The following GRID2 variants were observed in gnomAD, a reference collection of about 807,000 sequenced individuals.
GRID2 encodes glutamate ionotropic receptor delta type subunit 2.
In GRID2, 33 loss-of-function variants were observed where a neutral mutation model predicts 114.8. That is an observed-to-expected ratio of 0.29 (90% confidence interval 0.22 to 0.38). The LOEUF (loss-of-function observed/expected upper bound fraction) is 0.38, where lower values mean the gene tolerates loss of function less well. Ranked by LOEUF, GRID2 falls within the 10% of genes least tolerant of loss-of-function variation. The pLI is 1.00. For synonymous variants in GRID2, 505 were observed against 449.9 expected (o/e 1.12, Z -1.55); for missense variants, 1,184 against 1,257.7 (o/e 0.94, Z 0.89).
intron 2 of GRID2, among the ~76,000 whole-genome samples, chr4:92,812,791 C>G (rs1187842946): frequency 6.6e-6 from 1 of 152,190 alleles, no homozygotes; most frequent in South Asian, 2.1e-4. Flanking sequence ...CCCATTCAGT[C>G]CAATAACTCG....
At chr4:92,316,907 A>G (rs945270960) in intron 1 of GRID2, among the ~76,000 whole-genome samples, 7 of 152,172 alleles carry the variant, frequency 4.6e-5, no homozygotes, top group African/African-American at 7.2e-5. Context: ...AAGTAAATAC[A>G]ATCATGCCAA....
chr4:92,341,111 A>G (rs910331809), intron 1 of GRID2, among the ~76,000 whole-genome samples: 5 of 152,232 alleles, frequency 3.3e-5, no homozygotes, highest in Admixed American at 2.6e-4. Flanking sequence ...TATATGGTAT[A>G]CAGTAGATAG....
At chr4:92,861,789 C>G (rs1744551602) in intron 2 of GRID2, among the ~76,000 whole-genome samples, 1 of 151,944 alleles carries the variant, frequency 6.6e-6, no homozygotes. Flanking sequence ...AATCCTTGTT[C>G]CTATTGTTCA....
intron 13 of GRID2, among the ~76,000 whole-genome samples, chr4:93,572,438 G>T (rs1012145822): frequency 6.6e-6 from 1 of 151,778 alleles, no homozygotes; most frequent in Non-Finnish European, 1.5e-5. Flanking sequence ...TCTCTTTTTA[G>T]ACACATATAT....
chr4:93,366,425 C>T lies in GRID2; in HGVS notation c.1246-29182C>T, dbSNP rs182739928. 2.1e-4 allele frequency among the ~76,000 whole-genome samples: 32 copies of T among 152,122 alleles called. 1 individual carries two copies. Among genetic ancestry groups the T allele is most frequent in the East Asian group, 1.4e-3 (7 of 5,156 alleles). ...AGGCTTATTAGGAAGAGGAAATTCCCGCCTAATAAATTTTGGTCACACTGG... is the reference window on the plus strand; with the variant it reads ...AGGCTTATTAGGAAGAGGAAATTCCTGCCTAATAAATTTTGGTCACACTGG... On this transcript the variant is annotated intron_variant, in intron 8 of 15. Transcript: ENST00000282020.
chr4:92,664,298 T>G (rs558556503), intron 2 of GRID2, among the ~76,000 whole-genome samples: 2 of 151,310 alleles, frequency 1.3e-5, no homozygotes, highest in African/African-American at 4.8e-5. Context: ...TTCTTTTGAT[T>G]CTATTTTCTA....
rs1182268164 is a variant in GRID2 at position 93,332,293 on chromosome 4, T to TGAGAGAGAGAGAGA, written c.1246-63313_1246-63312insAGAGAGAGAGAGAG. ...GTGTGTGTGTGTGTGTGTGTGTGTGTGTGTGTGAGAGAGAGAGAGAGAGAG... is the reference window on the plus strand; with the variant it reads ...GTGTGTGTGTGTGTGTGTGTGTGTGTGAGAGAGAGAGAGAGTGTGTGAGAGAGAGAGAGAGAGAG... On this transcript the variant is annotated intron_variant, in intron 8 of 15. Coordinates refer to ENST00000282020, the MANE Select transcript of GRID2 (RefSeq NM_001510.4). Among the ~76,000 whole-genome samples, 372 of 114,680 alleles carry TGAGAGAGAGAGAGA rather than the reference T, an allele frequency of 3.2e-3. 3 individuals carry two copies. The highest frequency in any genetic ancestry group is 0.013 in the African/African-American group (288 of 21,502). The allele number at this position is 114,680 out of a possible 152,430, so 75.2% of individuals were successfully genotyped here.
intron 14 of GRID2, among the ~76,000 whole-genome samples, chr4:93,691,326 C>T (rs888778290): frequency 6.6e-6 from 1 of 151,916 alleles, no homozygotes; most frequent in African/African-American, 2.4e-5. Flanking sequence ...TTATTCAAAG[C>T]GTTTTATGGA....
At position 92,943,241 on chromosome 4, in the gene GRID2, C is replaced by A. The variant is rs564354643; in HGVS notation, c.245-141754C>A. On this transcript the variant is annotated intron_variant, in intron 2 of 15. Transcript: ENST00000282020. ...ATAGATTTGGTCTTTTCACATAGGC[C>A]CATATTTCTTGGGGGCTTTGTTCTT... is the stretch of plus-strand genomic sequence containing the variant. Among the ~76,000 whole-genome samples the A allele has an allele frequency of 2.6e-5, 4 of 152,228 alleles. No homozygotes were observed. In the East Asian group the frequency reaches 7.7e-4, roughly 29 times the overall value.
At chr4:92,750,268 C>T (rs533791683) in intron 2 of GRID2, among the ~76,000 whole-genome samples, 2 of 152,312 alleles carry the variant, frequency 1.3e-5, no homozygotes, top group South Asian at 4.1e-4. Context: ...GTATCTGTTA[C>T]TATCTCATTC....
intron 2 of GRID2, among the ~76,000 whole-genome samples, chr4:92,973,633 A>C (rs924378996): frequency 4.6e-5 from 7 of 152,166 alleles, no homozygotes; most frequent in African/African-American, 1.7e-4. Context: ...GAAAACTAAA[A>C]TGGAAGTAGC....
intron 14 of GRID2, among the ~76,000 whole-genome samples, chr4:93,762,852 C>A (rs1489603589): frequency 6.6e-6 from 1 of 152,058 alleles, no homozygotes; most frequent in African/African-American, 2.4e-5. Flanking sequence ...CTGCCTTGGG[C>A]CCCTCCACAG....
chr4:93,570,448 G>T (rs1488389996), intron 13 of GRID2, among the ~76,000 whole-genome samples: 1 of 152,182 alleles, frequency 6.6e-6, no homozygotes, highest in Admixed American at 6.6e-5. Context: ...GAAAAAAGTG[G>T]TGGAGACAAT....
intron 2 of GRID2, among the ~76,000 whole-genome samples, chr4:92,637,952 A>G (rs1364956914): frequency 1.3e-5 from 2 of 151,960 alleles, no homozygotes; most frequent in Non-Finnish European, 2.9e-5. Context: ...TGTGAATGCA[A>G]ATTTGCAATT....
chr4:92,884,911 TA>T, intron 2 of GRID2: 1 of 366,460 alleles, frequency 2.7e-6, no homozygotes, highest in South Asian at 2.4e-5. Context: ...ATGTAGATGA[TA>T]AGCTGGTGAC....
At chr4:93,223,617 A>G (rs1044288069) in intron 6 of GRID2, among the ~76,000 whole-genome samples, 1 of 152,146 alleles carries the variant, frequency 6.6e-6, no homozygotes, top group Admixed American at 6.6e-5. Context: ...ACTTTCAAAA[A>G]TCTGAAAAAC....
At chr4:92,705,234 T>C (rs985674390) in intron 2 of GRID2, among the ~76,000 whole-genome samples, 8 of 152,198 alleles carry the variant, frequency 5.3e-5, no homozygotes, top group African/African-American at 1.9e-4. Context: ...CATCAAATAA[T>C]CTTGAAAAGA....
At chr4:93,139,596 T>C (rs572605460) in intron 4 of GRID2, among the ~76,000 whole-genome samples, 44 of 152,200 alleles carry the variant, frequency 2.9e-4, no homozygotes, top group Non-Finnish European at 6.2e-4. Flanking sequence ...AATCACCTTT[T>C]CTTGGTCTGT....
intron 1 of GRID2, among the ~76,000 whole-genome samples, chr4:92,538,517 G>T (rs1011646799): frequency 6.6e-6 from 1 of 152,100 alleles, no homozygotes; most frequent in Admixed American, 6.6e-5. Context: ...ATGACTTGGA[G>T]CTCCACAAAG....
Sources: allele counts gnomAD v4.1 joint callset (sites outside exome capture counted in the v4.1 genomes callset), GRCh38; gene constraint gnomAD v4.1.1; transcripts MANE v1.5; gene names NCBI Gene and HGNC (gene_info 2026-07-23, HGNC 2026-07-21).